Variants in TCP11L1 observed in about 807,000 individuals in gnomAD.
The protein encoded by TCP11L1 is t-complex 11 like 1, also known as T-complex protein 11-like protein 1.
TCP11L1 carries 28 observed loss-of-function variants against 48.9 expected under a neutral mutation model. The observed-to-expected ratio is 0.57, with a 90% CI of 0.42 to 0.78. The LOEUF (loss-of-function observed/expected upper bound fraction) is 0.78. Among genes scored for constraint, TCP11L1 ranks in the 30% least tolerant of loss-of-function variants. TCP11L1 has a pLI of 0.00. For synonymous variants in TCP11L1, 204 were observed against 231.9 expected, an observed-to-expected ratio of 0.88 and a Z score of 1.09; for missense variants, 505 against 613.4, an observed-to-expected ratio of 0.82 and a Z score of 1.87.
intron 3 of TCP11L1, among the ~76,000 whole-genome samples, chr11:33,056,373 A>G: frequency 6.6e-6 from 1 of 152,134 alleles, no homozygotes; most frequent in East Asian, 1.9e-4. Flanking sequence ...GGCCTCCCAA[A>G]ATGCTGGGAT....
intron 2 of TCP11L1, among the ~76,000 whole-genome samples, chr11:33,053,252 C>T (rs12360549): frequency 0.14 from 21,688 of 151,406 alleles, 1,655 homozygotes; most frequent in Middle Eastern, 0.23. Flanking sequence ...TCAAGCAATC[C>T]TTTCGCCTCA....
chr11:33,044,882 G>T (rs1374092238), intron 2 of TCP11L1, among the ~76,000 whole-genome samples: 1 of 152,124 alleles, frequency 6.6e-6, no homozygotes, highest in African/African-American at 2.4e-5. Context: ...TAGTTAGAAA[G>T]CTTCTGTTTT....
intron 6 of TCP11L1, among the ~76,000 whole-genome samples, chr11:33,060,113 G>C (rs928560776): frequency 6.6e-6 from 1 of 152,080 alleles, no homozygotes; most frequent in Admixed American, 6.6e-5. Context: ...TGTTGTTGTT[G>C]TTGTTTTCTT....
chr11:33,054,791 C>T (rs1185105580), intron 3 of TCP11L1, 66 bp downstream of exon 3: 5 of 1,534,586 alleles, frequency 3.3e-6, no homozygotes, highest in Admixed American at 4.0e-5. Context: ...GAAAATGTTT[C>T]CTTCAGTTGA....
At chr11:33,069,603 G>A (rs1399296387) in intron 9 of TCP11L1, among the ~76,000 whole-genome samples, 2 of 151,840 alleles carry the variant, frequency 1.3e-5, no homozygotes, top group Non-Finnish European at 2.9e-5. Context: ...AGTTTTGTTT[G>A]TTTGTTTTTG....
intron 1 of TCP11L1, chr11:33,040,407 A>G (rs1004446073): frequency 1.3e-5 from 2 of 152,194 alleles, no homozygotes; most frequent in Admixed American, 6.5e-5. Context: ...TGTGTTTTAC[A>G]GAGGAGGACA....
Position 33,054,716 on chromosome 11 carries a change from C to A in TCP11L1, c.287C>A (p.Pro96Gln), listed in dbSNP as rs752867043. The change falls in exon 3 of 10, where the codon CCA (proline) becomes CAA (glutamine). Residue 96 changes from proline (P) to glutamine (Q), a missense_variant. Physicochemically the swap from Pro to Gln is moderately conservative, Grantham distance 76. This residue lies in a region of TCP11L1 where 168 missense variants were observed against 183.5 expected (regional missense o/e 0.92). Coordinates refer to ENST00000334274, the MANE Select transcript of TCP11L1 (RefSeq NM_018393.4). ...GDFQIKPVEL[P>Q]ENSLKKRVKE... ...TTTCAGATTAAACCAGTTGAATTAC[C>A]AGAAAACAGGTAAGGTGGTTGCTAA... is the stretch of plus-strand genomic sequence containing the variant. The A allele has an allele frequency of 3.1e-6, 5 of 1,612,316 alleles. No individual in the cohort carries two copies. In the Admixed American group the frequency reaches 6.7e-5, roughly 22 times the overall value.
Position 33,054,744 on chromosome 11 carries a change from TA to T in TCP11L1, c.296+20del, listed in dbSNP as rs772215326. ...AAAACAGGTAAGGTGGTTGCTAAAT[TA>T]TCTTGCTTAGTAGAACACTGTCATT... On this transcript the variant is annotated intron_variant, in intron 3 of 9. Transcript: ENST00000334274. 16 of 1,608,830 alleles carry T rather than the reference TA, an allele frequency of 9.9e-6. No individual in the cohort carries two copies. The highest frequency in any genetic ancestry group is 1.4e-5 in the Non-Finnish European group (16 of 1,177,830).
chr11:33,055,429 C>T (rs1854283175), intron 3 of TCP11L1, among the ~76,000 whole-genome samples: 1 of 152,142 alleles, frequency 6.6e-6, no homozygotes. Context: ...CTAGGGCTCT[C>T]CTTTTGTTGG....
chr11:33,061,215 C>T (rs6484641), intron 6 of TCP11L1, among the ~76,000 whole-genome samples: 59,064 of 151,946 alleles, frequency 0.39, 11,606 homozygotes, highest in East Asian at 0.45. Context: ...CTCAGCCTCC[C>T]AAAGTGCTGG....
intron 1 of TCP11L1, among the ~76,000 whole-genome samples, chr11:33,042,883 T>C (rs976691779): frequency 5.3e-5 from 8 of 152,154 alleles, no homozygotes; most frequent in Admixed American, 3.3e-4. Context: ...CTGGCCAACA[T>C]GGTGAAGCCC....
At chr11:33,068,026 C>A (rs918286391) in intron 8 of TCP11L1, among the ~76,000 whole-genome samples, 3 of 152,024 alleles carry the variant, frequency 2.0e-5, no homozygotes, top group Admixed American at 6.5e-5. Context: ...AAGTGATTCT[C>A]CTACCACAGT....
chr11:33,058,354 G>A (rs974474805), intron 5 of TCP11L1, among the ~76,000 whole-genome samples: 1 of 151,808 alleles, frequency 6.6e-6, no homozygotes, highest in Non-Finnish European at 1.5e-5. Flanking sequence ...ACGCACCACC[G>A]TGCCCAGCTA....
intron 1 of TCP11L1, among the ~76,000 whole-genome samples, chr11:33,042,296 A>G (rs1853859997): frequency 1.3e-5 from 2 of 152,056 alleles, no homozygotes; most frequent in South Asian, 2.1e-4. Context: ...TGCCAGGCCA[A>G]TTTTTTAATA....
chr11:33,040,991 A>G (rs1853815140), intron 1 of TCP11L1: 2 of 152,152 alleles, frequency 1.3e-5, no homozygotes, highest in Non-Finnish European at 2.9e-5. Flanking sequence ...TAGACTATGT[A>G]TTTGCATCTT....
intron 2 of TCP11L1, among the ~76,000 whole-genome samples, chr11:33,050,966 A>G (rs1167138504): frequency 6.6e-6 from 1 of 151,996 alleles, no homozygotes; most frequent in Non-Finnish European, 1.5e-5. Flanking sequence ...GGAGCATGCC[A>G]CCACACCTGG....
chr11:33,065,312 G>A (rs766531983), intron 7 of TCP11L1, among the ~76,000 whole-genome samples: 1 of 152,038 alleles, frequency 6.6e-6, no homozygotes, highest in Non-Finnish European at 1.5e-5. Flanking sequence ...TGCCCAGGCT[G>A]AAGTACCAAG....
intron 2 of TCP11L1, among the ~76,000 whole-genome samples, chr11:33,051,019 C>T (rs1259102978): frequency 6.6e-6 from 1 of 152,126 alleles, no homozygotes; most frequent in Non-Finnish European, 1.5e-5. Flanking sequence ...CCATGTTGCC[C>T]AGGCTGTTCT....
chr11:33,070,685 CAA>C lies in TCP11L1; in HGVS notation c.1328-1770_1328-1769del, dbSNP rs1182483117. ...GGGCAATAAGAGCTAAAGTCTGTCT[CAA>C]AAAAAAAAAAAAAAAAAAGAATAAG... On this transcript the variant is annotated intron_variant, in intron 9 of 9. Transcript: ENST00000334274. Among the ~76,000 whole-genome samples, 632 of 71,524 alleles carry C rather than the reference CAA, an allele frequency of 8.8e-3. 4 individuals are homozygous for C. The highest frequency in any genetic ancestry group is 0.012 in the Non-Finnish European group (448 of 36,746). The allele number at this position is 71,524 out of a possible 152,430, so 46.9% of individuals were successfully genotyped here. A position where few individuals can be genotyped will look rare whatever the true frequency, so the allele number is the denominator to read the frequency against.
Sources: allele counts gnomAD v4.1 joint callset (sites outside exome capture counted in the v4.1 genomes callset), GRCh38; gene constraint gnomAD v4.1.1; regional missense constraint gnomAD v4.1.1; transcripts MANE v1.5; gene names NCBI Gene and HGNC (gene_info 2026-07-23, HGNC 2026-07-21).